Variants in GLYATL2 observed in about 807,000 individuals in gnomAD.
The protein encoded by GLYATL2 is glycine-N-acyltransferase like 2.
A neutral mutation model predicts 21.4 loss-of-function variants in GLYATL2; 25 were observed. The observed-to-expected ratio is 1.17, with a 90% CI of 0.85 to 1.63. The LOEUF (loss-of-function observed/expected upper bound fraction) is 1.63. Ranked by LOEUF, GLYATL2 falls within the 40% of genes most tolerant of loss-of-function variation. The pLI, the probability that GLYATL2 is intolerant of heterozygous loss-of-function variation, is 0.00. For missense variants in GLYATL2, 361 were observed against 343.3 expected, an observed-to-expected ratio of 1.05 and a Z score of -0.41; for synonymous variants, 114 against 118.2, an observed-to-expected ratio of 0.96 and a Z score of 0.23.
At chr11:58,861,370 T>A (rs750506122) in intron 1 of GLYATL2, among the ~76,000 whole-genome samples, 6 of 152,074 alleles carry the variant, frequency 3.9e-5, no homozygotes, top group Non-Finnish European at 5.9e-5. Flanking sequence ...TTTGTTGGCA[T>A]ATAATTGGTC....
At chr11:58,902,706 G>A (rs536554892) in intron 1 of GLYATL2, among the ~76,000 whole-genome samples, 2 of 152,180 alleles carry the variant, frequency 1.3e-5, no homozygotes, top group Middle Eastern at 3.4e-3. Flanking sequence ...ATGACCCAAC[G>A]ACCAGTTACT....
upstream of GLYATL2, among the ~76,000 whole-genome samples, chr11:58,906,463 A>C (rs568428325): frequency 6.6e-6 from 1 of 152,244 alleles, no homozygotes; most frequent in Non-Finnish European, 1.5e-5. Flanking sequence ...GCTCCTGTTC[A>C]AAGTTCCTGG....
chr11:58,905,875 C>T (rs1854864261), upstream of GLYATL2, among the ~76,000 whole-genome samples: 1 of 152,198 alleles, frequency 6.6e-6, no homozygotes, highest in Non-Finnish European at 1.5e-5. Flanking sequence ...AATTAGCTTC[C>T]AAAGTGGATG....
At position 58,862,149 on chromosome 11, in the gene GLYATL2, C is replaced by T. The variant is rs76560542; in HGVS notation, n.61-23781G>A. On this transcript the variant is annotated intron_variant and non_coding_transcript_variant, in intron 1 of 4. Transcript: ENST00000533636. ...GAATATATCATTCCATGCTCTCAGC[C>T]GATAAGCTTCTGCTCATAAATCTGC... Among the ~76,000 whole-genome samples, 789 of 152,228 alleles carry T rather than the reference C, an allele frequency of 5.2e-3. 5 individuals are homozygous for T. Among genetic ancestry groups the T allele is most frequent in the African/African-American group, 0.018 (745 of 41,548 alleles).
intron 1 of GLYATL2, among the ~76,000 whole-genome samples, chr11:58,858,529 G>A (rs1853873341): frequency 6.6e-6 from 1 of 151,978 alleles, no homozygotes; most frequent in Non-Finnish European, 1.5e-5. Flanking sequence ...TGGGCAATGT[G>A]AGCTGATGGT....
intron 1 of GLYATL2, among the ~76,000 whole-genome samples, chr11:58,870,958 G>C (rs1452980049): frequency 6.6e-6 from 1 of 152,178 alleles, no homozygotes; most frequent in Non-Finnish European, 1.5e-5. Flanking sequence ...AGAATGAACA[G>C]CATGTCATAA....
chr11:58,849,062 A>G (rs1004660633), upstream of GLYATL2, among the ~76,000 whole-genome samples: 1 of 152,238 alleles, frequency 6.6e-6, no homozygotes, highest in African/African-American at 2.4e-5. Flanking sequence ...TGAAGGAAAA[A>G]TACCTTTTAC....
intron 1 of GLYATL2, among the ~76,000 whole-genome samples, chr11:58,877,131 T>C (rs780757031): frequency 6.6e-6 from 1 of 152,232 alleles, no homozygotes; most frequent in Non-Finnish European, 1.5e-5. Flanking sequence ...GATAAGCCTG[T>C]TGGAAAAGCA....
chr11:58,881,131 CAT>C (rs997441582), intron 1 of GLYATL2, among the ~76,000 whole-genome samples: 2 of 152,120 alleles, frequency 1.3e-5, no homozygotes, highest in African/African-American at 4.8e-5. Context: ...AAAAAACTAA[CAT>C]ATGTTAAATA....
intron 1 of GLYATL2, chr11:58,840,851 A>AAAAT (rs1320892967): frequency 2.8e-5 from 4 of 142,160 alleles, no homozygotes; most frequent in Non-Finnish European, 3.1e-5. Context: ...AAAATAAAAT[A>AAAAT]AAATAAAATA....
rs1200946985 is a variant in GLYATL2 at position 58,837,304 on chromosome 11, C to T, written c.280G>A (p.Val94Ile). ...KLEEVLSYSN[V>I]ISWEQTLQIQ... Reference sequence around the variant, plus strand: ...TGCAAAGTTTGCTCCCAGCTGATTACATTGGAGTATGACAGGACTTCCTCT... The same window carrying T: ...TGCAAAGTTTGCTCCCAGCTGATTATATTGGAGTATGACAGGACTTCCTCT... Residue 94 changes from valine (V) to isoleucine (I), a missense_variant, in exon 4 of 6, where the codon GTA becomes ATA. Transcript: ENST00000287275. The T allele has an allele frequency of 6.2e-7, 1 of 1,613,822 alleles. No homozygotes were observed. Among genetic ancestry groups the T allele is most frequent in the Non-Finnish European group, 8.5e-7 (1 of 1,179,858 alleles).
chr11:58,905,719 GATGGGTCAT>G, upstream of GLYATL2: 1 of 395,520 alleles, frequency 2.5e-6, no homozygotes, highest in South Asian at 1.8e-5. Flanking sequence ...CTGGGACCGG[GATGGGTCAT>G]CTGGACAAAT....
At chr11:58,871,676 T>G (rs1188888549) in intron 1 of GLYATL2, among the ~76,000 whole-genome samples, 1 of 152,150 alleles carries the variant, frequency 6.6e-6, no homozygotes. Context: ...CTTAATCCAG[T>G]CTATCATTGA....
chr11:58,905,384 GA>G (rs1235719111), upstream of GLYATL2: 1 of 441,076 alleles, frequency 2.3e-6, no homozygotes, highest in Non-Finnish European at 4.6e-6. Flanking sequence ...GCTGCCGCTG[GA>G]TCCCGCCTGG....
chr11:58,871,459 G>A (rs1854118710), intron 1 of GLYATL2, among the ~76,000 whole-genome samples: 1 of 128,662 alleles, frequency 7.8e-6, no homozygotes, highest in Non-Finnish European at 1.6e-5. Context: ...ACAGGCCCCG[G>A]TGTGTGATGT....
intron 1 of GLYATL2, among the ~76,000 whole-genome samples, chr11:58,887,107 G>A (rs1324892996): frequency 6.6e-6 from 1 of 152,182 alleles, no homozygotes; most frequent in Non-Finnish European, 1.5e-5. Context: ...TAACTTTGTA[G>A]TTATTATGTG....
intron 1 of GLYATL2, among the ~76,000 whole-genome samples, chr11:58,841,153 G>T (rs1853544359): frequency 1.3e-5 from 2 of 152,090 alleles, no homozygotes; most frequent in Admixed American, 1.3e-4. Flanking sequence ...TATTTTGATG[G>T]TTTGCAAGGA....
At chr11:58,903,816 C>T (rs756276508) in intron 1 of GLYATL2, among the ~76,000 whole-genome samples, 1 of 152,206 alleles carries the variant, frequency 6.6e-6, no homozygotes, top group Non-Finnish European at 1.5e-5. Flanking sequence ...CCTCTTGCCC[C>T]TTCTTAAGGC....
intron 1 of GLYATL2, among the ~76,000 whole-genome samples, chr11:58,864,756 T>C (rs680053): frequency 0.88 from 130,769 of 148,716 alleles, 59,410 homozygotes; most frequent in Non-Finnish European, 0.98. Flanking sequence ...TTCTTGTGCA[T>C]AGATAGTTGT....
Sources: allele counts gnomAD v4.1 joint callset (sites outside exome capture counted in the v4.1 genomes callset), GRCh38; gene constraint gnomAD v4.1.1; transcripts MANE v1.5; gene names NCBI Gene and HGNC (gene_info 2026-07-23, HGNC 2026-07-21).